ASCC3: variants seen among roughly 807,000 people sequenced by gnomAD.
ASCC3 encodes activating signal cointegrator 1 complex subunit 3.
Under a neutral mutation model 256.3 loss-of-function variants are expected in ASCC3, and 158 were observed. The ratio of observed to expected loss-of-function variants is 0.62; its 90% CI spans 0.54 to 0.70. The LOEUF (loss-of-function observed/expected upper bound fraction) is 0.70, where lower values mean the gene tolerates loss of function less well. ASCC3 is among the 30% of genes least tolerant of loss of function. The pLI is 0.00. For synonymous variants in ASCC3, 948 were observed against 883.4 expected (o/e 1.07, Z -1.30); for missense variants, 2,259 against 2,626.0 (o/e 0.86, Z 3.05).
At chr6:100,729,934 A>G (rs1417245113) in intron 10 of ASCC3, among the ~76,000 whole-genome samples, 1 of 152,148 alleles carries the variant, frequency 6.6e-6, no homozygotes, top group East Asian at 1.9e-4. Flanking sequence ...AAAATACAAT[A>G]GTATACTATA....
chr6:100,847,456 C>T (rs1772439274), intron 4 of ASCC3, among the ~76,000 whole-genome samples: 1 of 152,078 alleles, frequency 6.6e-6, no homozygotes, highest in Admixed American at 6.6e-5. Flanking sequence ...TGGGTTAAGT[C>T]CTCCAATACC....
intron 8 of ASCC3, among the ~76,000 whole-genome samples, chr6:100,797,823 TAA>T (rs1176449297): frequency 6.6e-6 from 1 of 152,146 alleles, no homozygotes; most frequent in Non-Finnish European, 1.5e-5. Context: ...CTTAAAACTA[TAA>T]GTTATTTCAG....
intron 37 of ASCC3, among the ~76,000 whole-genome samples, chr6:100,535,713 T>C (rs12200565): frequency 0.47 from 71,903 of 151,748 alleles, 17,297 homozygotes; most frequent in South Asian, 0.62. Context: ...GTGATCCACC[T>C]GGCTTGGCCT....
intron 5 of ASCC3, among the ~76,000 whole-genome samples, chr6:100,805,081 G>T (rs1343434056): frequency 1.3e-5 from 2 of 151,988 alleles, no homozygotes; most frequent in Non-Finnish European, 2.9e-5. Flanking sequence ...ATAAAAAGAA[G>T]AAATTGTTCT....
chr6:100,831,004 T>A (rs1446815065), intron 4 of ASCC3, among the ~76,000 whole-genome samples: 2 of 152,192 alleles, frequency 1.3e-5, no homozygotes, highest in Non-Finnish European at 2.9e-5. Flanking sequence ...AATTTTCTTT[T>A]ACCTTGATCA....
intron 36 of ASCC3, among the ~76,000 whole-genome samples, chr6:100,555,719 T>C (rs1465567943): frequency 6.6e-6 from 1 of 152,200 alleles, no homozygotes; most frequent in Non-Finnish European, 1.5e-5. Flanking sequence ...ATTTTCCTTT[T>C]AAGAAATAAA....
chr6:100,653,672 T>C (rs1775780731), intron 17 of ASCC3, among the ~76,000 whole-genome samples: 1 of 151,562 alleles, frequency 6.6e-6, no homozygotes, highest in Non-Finnish European at 1.5e-5. Flanking sequence ...ACTTACTTTT[T>C]ACTTTTATTA....
intron 3 of ASCC3, among the ~76,000 whole-genome samples, chr6:100,851,349 A>G (rs1772658575): frequency 1.3e-5 from 2 of 152,220 alleles, no homozygotes; most frequent in Admixed American, 6.5e-5. Context: ...TATCTAATGT[A>G]AAAGTGTAAT....
chr6:100,624,479 G>A (rs1485164018), intron 30 of ASCC3, among the ~76,000 whole-genome samples: 1 of 151,782 alleles, frequency 6.6e-6, no homozygotes, highest in African/African-American at 2.4e-5. Context: ...CAACAAATGA[G>A]GATGTAGTAA....
intron 10 of ASCC3, among the ~76,000 whole-genome samples, chr6:100,744,044 T>TA (rs1236781496): frequency 6.6e-6 from 1 of 152,198 alleles, no homozygotes; most frequent in Non-Finnish European, 1.5e-5. Context: ...ATGAAAAAGA[T>TA]ACACAGTACT....
At chr6:100,773,536 G>T (rs1160707874) in intron 8 of ASCC3, among the ~76,000 whole-genome samples, 2 of 152,104 alleles carry the variant, frequency 1.3e-5, no homozygotes, top group Admixed American at 1.3e-4. Context: ...GCATATTTTA[G>T]AAGATTTAAG....
At chr6:100,572,080 T>C (rs193109536) in intron 36 of ASCC3, among the ~76,000 whole-genome samples, 5 of 152,312 alleles carry the variant, frequency 3.3e-5, no homozygotes, top group Admixed American at 1.3e-4. Flanking sequence ...TAAATCTCTA[T>C]ATAGACGATG....
chr6:100,545,722 C>A (rs994957289), intron 36 of ASCC3, among the ~76,000 whole-genome samples: 1 of 152,294 alleles, frequency 6.6e-6, no homozygotes, highest in South Asian at 2.1e-4. Context: ...TCAGAGTAGG[C>A]ATGCACCACC....
intron 26 of ASCC3, among the ~76,000 whole-genome samples, chr6:100,629,544 T>C (rs1425627176): frequency 6.6e-6 from 1 of 152,176 alleles, no homozygotes; most frequent in African/African-American, 2.4e-5. Context: ...TTTTTTTTAA[T>C]GAAGGAAAGT....
At chr6:100,703,087 A>T (rs954697827) in intron 13 of ASCC3, among the ~76,000 whole-genome samples, 1 of 152,010 alleles carries the variant, frequency 6.6e-6, no homozygotes, top group Non-Finnish European at 1.5e-5. Flanking sequence ...TAAATATCAT[A>T]AATGTTTTCT....
chr6:100,608,260 ATACTTTATAT>A (rs1773097889), intron 30 of ASCC3, among the ~76,000 whole-genome samples: 1 of 74,210 alleles, frequency 1.3e-5, no homozygotes, highest in African/African-American at 5.2e-5. Flanking sequence ...TACTTTATAT[ATACTTTATAT>A]ATATACTTTA....
intron 10 of ASCC3, among the ~76,000 whole-genome samples, chr6:100,752,344 C>CT (rs1485428050): frequency 7.9e-5 from 12 of 152,054 alleles, no homozygotes; most frequent in Non-Finnish European, 4.4e-5. Context: ...ATGCTAATCT[C>CT]TAAGTACAGC....
chr6:100,576,838 A>C (rs1770892659), intron 36 of ASCC3, among the ~76,000 whole-genome samples: 1 of 151,924 alleles, frequency 6.6e-6, no homozygotes, highest in African/African-American at 2.4e-5. Flanking sequence ...TAAAAACATA[A>C]GCCAGAAACA....
intron 8 of ASCC3, among the ~76,000 whole-genome samples, chr6:100,777,010 C>T (rs1334762992): frequency 6.6e-6 from 1 of 152,076 alleles, no homozygotes; most frequent in Non-Finnish European, 1.5e-5. Context: ...TCCACACACT[C>T]CGTCCAAGTT....
Sources: allele counts gnomAD v4.1 joint callset (sites outside exome capture counted in the v4.1 genomes callset), GRCh38; gene constraint gnomAD v4.1.1; transcripts MANE v1.5; gene names NCBI Gene and HGNC (gene_info 2026-07-23, HGNC 2026-07-21).